The following NRXN1 variants were observed in gnomAD, a reference collection of about 807,000 sequenced individuals.
NRXN1 encodes the protein neurexin 1.
In NRXN1, 39 loss-of-function variants were observed where a neutral mutation model predicts 150.9. That is an observed-to-expected ratio of 0.26 (90% CI 0.20 to 0.34). NRXN1 has a LOEUF of 0.34. NRXN1 is among the 10% of genes least tolerant of loss of function. The pLI, the probability that NRXN1 is intolerant of heterozygous loss-of-function variation, is 1.00. For synonymous variants in NRXN1, 924 were observed against 757.0 expected (o/e 1.22, Z -3.62); for missense variants, 1,815 against 1,949.9 (o/e 0.93, Z 1.30).
intron 5 of NRXN1, among the ~76,000 whole-genome samples, chr2:50,847,962 A>C (rs1673925334): frequency 6.6e-6 from 1 of 152,110 alleles, no homozygotes; most frequent in Admixed American, 6.5e-5. Flanking sequence ...CCTAGCCCAC[A>C]TATGATCCGA....
intron 17 of NRXN1, among the ~76,000 whole-genome samples, chr2:50,292,279 C>A (rs758696320): frequency 6.6e-6 from 1 of 152,284 alleles, no homozygotes; most frequent in Admixed American, 6.5e-5. Context: ...CAAGCCACCA[C>A]ACCCATTCAT....
intron 21 of NRXN1, among the ~76,000 whole-genome samples, chr2:50,015,810 C>T (rs527604871): frequency 3.3e-5 from 5 of 152,042 alleles, no homozygotes; most frequent in African/African-American, 1.2e-4. Context: ...GTTTTTTTTC[C>T]ATTCCAGAAA....
intron 5 of NRXN1, among the ~76,000 whole-genome samples, chr2:50,690,675 T>C (rs1269228767): frequency 1.3e-5 from 2 of 152,200 alleles, no homozygotes; most frequent in African/African-American, 4.8e-5. Flanking sequence ...TACATATCTG[T>C]ACTGAAGCAC....
intron 3 of NRXN1, 60 bp from the exon 4 acceptor site, chr2:50,922,747 G>C: frequency 6.5e-7 from 1 of 1,547,226 alleles, no homozygotes; most frequent in Non-Finnish European, 8.9e-7. Context: ...AGGCAGGGTT[G>C]TCACGGTGAC....
chr2:49,985,904 T>C (rs555467661), intron 21 of NRXN1, among the ~76,000 whole-genome samples: 1 of 152,330 alleles, frequency 6.6e-6, no homozygotes, highest in Admixed American at 6.5e-5. Flanking sequence ...GATGGGGCCA[T>C]ACCAATATGT....
chr2:50,656,582 C>G (rs961572013), intron 5 of NRXN1, among the ~76,000 whole-genome samples: 34 of 151,894 alleles, frequency 2.2e-4, no homozygotes, highest in African/African-American at 8.2e-4. Flanking sequence ...ATTCAGTAGT[C>G]TAACCTGCTC....
At chr2:50,434,440 A>C (rs1036650670) in intron 17 of NRXN1, among the ~76,000 whole-genome samples, 8 of 152,236 alleles carry the variant, frequency 5.3e-5, no homozygotes, top group African/African-American at 1.9e-4. Flanking sequence ...CTTGAAGAGA[A>C]ACAAATGAAT....
At chr2:50,725,254 A>G (rs1367604793) in intron 5 of NRXN1, among the ~76,000 whole-genome samples, 2 of 152,074 alleles carry the variant, frequency 1.3e-5, no homozygotes, top group Non-Finnish European at 2.9e-5. Flanking sequence ...TATCAAAAAT[A>G]AAGTTCTGTA....
intron 8 of NRXN1, among the ~76,000 whole-genome samples, chr2:50,591,924 A>C (rs1399154192): frequency 6.6e-6 from 1 of 152,174 alleles, no homozygotes; most frequent in Non-Finnish European, 1.5e-5. Context: ...TTTTGTGTGG[A>C]TCTCAAACAG....
intron 21 of NRXN1, among the ~76,000 whole-genome samples, chr2:50,029,845 G>A (rs1688927915): frequency 6.6e-6 from 1 of 152,068 alleles, no homozygotes; most frequent in Non-Finnish European, 1.5e-5. Flanking sequence ...TCCTTAATAA[G>A]CCCAAAGGTC....
At position 50,921,672 on chromosome 2, in the gene NRXN1, GA is replaced by G. The variant is rs369253615; in HGVS notation, c.832+196del. Among the ~76,000 whole-genome samples the G allele has an allele frequency of 6.4e-3, 958 of 150,730 alleles. 9 individuals are homozygous for G. The highest frequency in any genetic ancestry group is 0.022 in the African/African-American group (897 of 41,182). ...GACATGAAAAAGATCACTCTAAAGA[GA>G]AAAAAAAGGGTGGGGGCGAAAATGG... is the stretch of plus-strand genomic sequence containing the variant. On this transcript the variant is annotated intron_variant, in intron 5 of 22. Transcript: ENST00000401669.
At chr2:50,428,618 G>T (rs2084694029) in intron 17 of NRXN1, among the ~76,000 whole-genome samples, 2 of 152,156 alleles carry the variant, frequency 1.3e-5, no homozygotes, top group Admixed American at 1.3e-4. Flanking sequence ...TTAGAGGCGG[G>T]ACGGGGAAGT....
chr2:50,514,638 T>C (rs896917696), intron 12 of NRXN1, among the ~76,000 whole-genome samples: 31 of 152,174 alleles, frequency 2.0e-4, no homozygotes, highest in African/African-American at 6.8e-4. Context: ...AACTTTACTA[T>C]TGCAATGTAA....
intron 17 of NRXN1, among the ~76,000 whole-genome samples, chr2:50,253,326 T>G (rs1383416042): frequency 6.6e-6 from 1 of 152,080 alleles, no homozygotes; most frequent in East Asian, 1.9e-4. Flanking sequence ...GACATGGGGG[T>G]TTTCTAAATA....
At chr2:50,935,478 T>C (rs1003165467) in intron 2 of NRXN1, among the ~76,000 whole-genome samples, 5 of 152,190 alleles carry the variant, frequency 3.3e-5, no homozygotes, top group Admixed American at 6.6e-5. Context: ...AGGCCTATTA[T>C]AATCTCAGCA....
intron 18 of NRXN1, among the ~76,000 whole-genome samples, chr2:50,194,322 A>T (rs1489271288): frequency 6.6e-6 from 1 of 152,142 alleles, no homozygotes; most frequent in African/African-American, 2.4e-5. Flanking sequence ...TAAACAGAAG[A>T]TTCTGGCTAT....
intron 19 of NRXN1, among the ~76,000 whole-genome samples, chr2:50,067,677 C>T (rs1343352821): frequency 6.6e-6 from 1 of 152,216 alleles, no homozygotes; most frequent in Admixed American, 6.5e-5. Flanking sequence ...TTAACAGCTA[C>T]AAAAACAGGC....
At chr2:50,655,256 T>TA (rs75184388) in intron 5 of NRXN1, among the ~76,000 whole-genome samples, 31,447 of 151,502 alleles carry the variant, frequency 0.21, 3,473 homozygotes, top group African/African-American at 0.29. Context: ...TTTTCAAAAT[T>TA]AAAAAAAACA....
At chr2:50,424,958 A>G (rs2084362145) in intron 17 of NRXN1, among the ~76,000 whole-genome samples, 1 of 152,206 alleles carries the variant, frequency 6.6e-6, no homozygotes, top group South Asian at 2.1e-4. Flanking sequence ...TTTAGTAACA[A>G]TGAGAAACTG....
Sources: allele counts gnomAD v4.1 joint callset (sites outside exome capture counted in the v4.1 genomes callset), GRCh38; gene constraint gnomAD v4.1.1; transcripts MANE v1.5; gene names NCBI Gene and HGNC (gene_info 2026-07-23, HGNC 2026-07-21).